The following F2RL2 variants were observed in gnomAD, a reference collection of about 807,000 sequenced individuals.
The protein encoded by F2RL2 is proteinase-activated receptor 3.
Under a neutral mutation model 4.3 loss-of-function variants are expected in F2RL2, and 4 were observed. The observed-to-expected ratio is 0.93, with a 90% CI of 0.46 to 2.12. The LOEUF (loss-of-function observed/expected upper bound fraction) is 2.12. F2RL2 is among the 30% of genes most tolerant of loss of function. The pLI, the probability that F2RL2 is intolerant of heterozygous loss-of-function variation, is 0.02. For synonymous variants in F2RL2, 166 were observed against 170.9 expected, an observed-to-expected ratio of 0.97 and a Z score of 0.22; for missense variants, 408 against 449.3, an observed-to-expected ratio of 0.91 and a Z score of 0.83.
intron 1 of F2RL2, among the ~76,000 whole-genome samples, chr5:76,619,023 A>G (rs1450470446): frequency 1.3e-5 from 2 of 152,232 alleles, no homozygotes; most frequent in African/African-American, 4.8e-5. Context: ...AGCAAAGACT[A>G]GCAAGGTTCC....
In F2RL2 at chr5:76,617,815, A is replaced by G. The variant is rs1749140312; in HGVS notation, c.892T>C (p.Trp298Arg). 2 of 1,614,008 alleles carry G rather than the reference A, an allele frequency of 1.2e-6. No homozygotes were observed. Among genetic ancestry groups the G allele is most frequent in the South Asian group, 1.1e-5 (1 of 91,074 alleles). ...ATGAGGAGACTCGCCTTAACATACC[A>G]CAACCATCTATGATCGTATGCATTA... ...TLNAYDHRWL[W>R]YVKASLLILV... The change falls in exon 2 of 2, where the codon TGG becomes CGG. Residue 298 changes from tryptophan (W) to arginine (R), a missense_variant. Trp to Arg is a moderately radical substitution (Grantham distance 101, BLOSUM62 -3). Transcript: ENST00000296641.
At position 76,617,896 on chromosome 5, in the gene F2RL2, A is replaced by G. The variant is rs1383155360; in HGVS notation, c.811T>C (p.Phe271Leu). 1.2e-6 allele frequency: 2 copies of G among 1,614,126 alleles called. No homozygotes were observed. The highest frequency in any genetic ancestry group is 3.3e-5 in the Admixed American group (2 of 60,014). Residue 271 changes from phenylalanine (F) to leucine (L), a missense_variant, in exon 2 of 2, where the codon TTC becomes CTC. Phe to Leu is a conservative substitution (Grantham distance 22). Coordinates refer to ENST00000296641, the MANE Select transcript of F2RL2 (RefSeq NM_004101.4). ...ATGATAAGCACAAATGGAATTAAGA[A>G]TCCAAAGAATGCCAAGGAGATGAAG... ...YYFISLAFFG[F>L]LIPFVLIIYC...
At chr5:76,618,840 A>G (rs1749295869) in intron 1 of F2RL2, among the ~76,000 whole-genome samples, 198 bp from the exon 2 acceptor site, 1 of 152,254 alleles carries the variant, frequency 6.6e-6, no homozygotes, top group African/African-American at 2.4e-5. Flanking sequence ...TTGTGCGGAA[A>G]CAAAAACTAA....
intron 1 of F2RL2, among the ~76,000 whole-genome samples, chr5:76,619,601 C>A (rs1749407211): frequency 6.6e-6 from 1 of 151,312 alleles, no homozygotes; most frequent in Admixed American, 6.6e-5. Context: ...ACTGCAACCT[C>A]CGCCTCCCGG....
chr5:76,615,910 A>T lies in F2RL2; in HGVS notation c.*1672T>A, dbSNP rs193230021. ...TGTATGCCCAACCTGAAATGATGTC[A>T]TCCCGTATCATCACAGTATGTTGCT... On this transcript the variant is annotated 3_prime_UTR_variant, in exon 2 of 2. Coordinates refer to ENST00000296641, the MANE Select transcript of F2RL2 (RefSeq NM_004101.4). The T allele has an allele frequency of 0.018, 2,777 of 152,740 alleles. 32 individuals carry two copies. Among genetic ancestry groups the T allele is most frequent in the South Asian group, 0.076 (365 of 4,830 alleles). 9.5% of individuals were successfully genotyped at this position (152,740 alleles called of 1,614,324 possible).
chr5:76,617,280 A>C lies in F2RL2; in HGVS notation c.*302T>G, dbSNP rs1201559831. 1 of 242,424 alleles carries C rather than the reference A, an allele frequency of 4.1e-6. No homozygotes were observed. The highest frequency in any genetic ancestry group is 8.1e-6 in the Non-Finnish European group (1 of 123,546). 15.0% of individuals were successfully genotyped at this position (242,424 alleles called of 1,614,324 possible). A position where few individuals can be genotyped will look rare whatever the true frequency, so the allele number is the denominator to read the frequency against. On this transcript the variant is annotated 3_prime_UTR_variant, in exon 2 of 2. Transcript: ENST00000296641. ...GTCAACATGGTGAAACCCCGTCTCTACTAAAAATACAAGTATTTTTAGTAG... is the reference window on the plus strand; with the variant it reads ...GTCAACATGGTGAAACCCCGTCTCTCCTAAAAATACAAGTATTTTTAGTAG...
At chr5:76,623,080 G>T in intron 1 of F2RL2, 87 bp downstream of exon 1, 1 of 1,216,768 alleles carries the variant, frequency 8.2e-7, no homozygotes, top group Non-Finnish European at 1.2e-6. Flanking sequence ...CAGTTTGTGT[G>T]AGATGCAAAG....
In F2RL2 at chr5:76,617,820, C is replaced by T. The variant is rs760244370; in HGVS notation, c.887G>A (p.Trp296Ter). The T allele has an allele frequency of 1.9e-6, 3 of 1,613,894 alleles. No homozygotes were observed. Among genetic ancestry groups the T allele is most frequent in the Admixed American group, 3.3e-5 (2 of 60,004 alleles). Residue 296 changes from tryptophan to a stop codon, truncating the protein, a stop_gained, in exon 2 of 2, where the codon TGG becomes TAG. Coordinates refer to ENST00000296641, the MANE Select transcript of F2RL2 (RefSeq NM_004101.4). LOFTEE classifies it high-confidence loss of function. ...GAGACTCGCCTTAACATACCACAAC[C>T]ATCTATGATCGTATGCATTAAGTGT... is the stretch of plus-strand genomic sequence containing the variant. ...IRTLNAYDHR[W>*]LWYVKASLLI...
chr5:76,620,206 G>C (rs755192877), intron 1 of F2RL2, among the ~76,000 whole-genome samples: 1 of 152,208 alleles, frequency 6.6e-6, no homozygotes, highest in South Asian at 2.1e-4. Context: ...AGGTAATAGT[G>C]TAGAGAACAG....
rs769307910 is a variant in F2RL2, at chr5:76,617,536, CAG to C, written c.*44_*45del. On this transcript the variant is annotated 3_prime_UTR_variant, in exon 2 of 2. Coordinates refer to ENST00000296641, the MANE Select transcript of F2RL2 (RefSeq NM_004101.4). ...ACTATGCTTATGTTGTTCTTGAAAACAGACGTTCTCTGTGATGGCTGTCCTTG... is the reference window on the plus strand; with the variant it reads ...ACTATGCTTATGTTGTTCTTGAAAACACGTTCTCTGTGATGGCTGTCCTTG... 5.4e-6 allele frequency: 8 copies of C among 1,469,768 alleles called. No individual in the cohort carries two copies. Among genetic ancestry groups the C allele is most frequent in the African/African-American group, 2.8e-5 (2 of 70,940 alleles). 91.0% of individuals were successfully genotyped at this position (1,469,768 alleles called of 1,614,324 possible).
In F2RL2 at chr5:76,615,743, TTACAGGAATATAATGGGTATTAATAACAA is replaced by T. The variant is rs139687205; in HGVS notation, c.*1810_*1838del. ...AGTTAAGGGAAAAATAGTCATTTAC[TTACAGGAATATAATGGGTATTAATAACAA>T]AATTCCATTTCCCCATTAAAAGCTA... On this transcript the variant is annotated 3_prime_UTR_variant, in exon 2 of 2. Coordinates refer to ENST00000296641, the MANE Select transcript of F2RL2 (RefSeq NM_004101.4). The T allele has an allele frequency of 0.26, 39,825 of 152,278 alleles. 5,469 individuals carry two copies. Among genetic ancestry groups the T allele is most frequent in the South Asian group, 0.41 (1,992 of 4,814 alleles). The allele number at this position is 152,278 out of a possible 1,614,324, so 9.4% of individuals were successfully genotyped here.
chr5:76,617,320 G>C lies in F2RL2; in HGVS notation c.*262C>G, dbSNP rs1749076543. ...ATTTTTAGTAGCTGGGCATGGTGGT[G>C]TAATCCCAGCTACTTGGGAGGCTGA... On this transcript the variant is annotated 3_prime_UTR_variant, in exon 2 of 2. Coordinates refer to ENST00000296641, the MANE Select transcript of F2RL2 (RefSeq NM_004101.4). The C allele has an allele frequency of 2.9e-6, 1 of 349,706 alleles. No individual in the cohort carries two copies. Among genetic ancestry groups the C allele is most frequent in the Admixed American group, 4.3e-5 (1 of 23,436 alleles). 21.7% of individuals were successfully genotyped at this position (349,706 alleles called of 1,614,324 possible). A position where few individuals can be genotyped will look rare whatever the true frequency, so the allele number is the denominator to read the frequency against.
intron 1 of F2RL2, among the ~76,000 whole-genome samples, chr5:76,620,868 T>A (rs1749590296): frequency 6.6e-6 from 1 of 152,222 alleles, no homozygotes; most frequent in Non-Finnish European, 1.5e-5. Context: ...CAATATTTGG[T>A]GTTACTTGGC....
Position 76,616,576 on chromosome 5 carries a change from A to G in F2RL2, c.*1006T>C, listed in dbSNP as rs2069689. On this transcript the variant is annotated 3_prime_UTR_variant, in exon 2 of 2. Coordinates refer to ENST00000296641, the MANE Select transcript of F2RL2 (RefSeq NM_004101.4). ...TGGTTAGAAGGTAGAGGTGGCCTGG[A>G]CGTAGTGGCTCATGCCTGTAGTCCC... is the stretch of plus-strand genomic sequence containing the variant. 65,988 of 152,748 alleles carry G rather than the reference A, an allele frequency of 0.43. 15,111 individuals carry two copies. Among genetic ancestry groups the G allele is most frequent in the Non-Finnish European group, 0.53 (35,846 of 68,258 alleles). 9.5% of individuals were successfully genotyped at this position (152,748 alleles called of 1,614,324 possible).
chr5:76,618,580 C>A lies in F2RL2; in HGVS notation c.127G>T (p.Ala43Ser). ...AACTCTTCAAAAGAATTTGGGGGAG[C>A]TCCACGAAAGGTCTTAATGGGTAAG... is the stretch of plus-strand genomic sequence containing the variant. ...PTLPIKTFRG[A>S]PPNSFEEFPF... Residue 43 changes from alanine to serine, a missense_variant, in exon 2 of 2, where the codon GCT becomes TCT. Physicochemically the swap from Ala to Ser is moderately conservative, Grantham distance 99. Transcript: ENST00000296641. 1 of 1,614,036 alleles carries A rather than the reference C, an allele frequency of 6.2e-7. No homozygotes were observed. Among genetic ancestry groups the A allele is most frequent in the Non-Finnish European group, 8.5e-7 (1 of 1,180,028 alleles).
Position 76,623,198 on chromosome 5 carries a change from G to A in F2RL2, c.33C>T (p.Leu11=). 2 of 1,614,160 alleles carry A rather than the reference G, an allele frequency of 1.2e-6. No individual in the cohort carries two copies. The highest frequency in any genetic ancestry group is 1.1e-5 in the South Asian group (1 of 91,068). Residue 11 remains leucine, a synonymous_variant, in exon 1 of 2, where the codon CTC becomes CTT. Coordinates refer to ENST00000296641, the MANE Select transcript of F2RL2 (RefSeq NM_004101.4). MKALIFAAAG[L]LLLLPTFCQS... ...GACAAAAAGTGGGCAACAGAAGCAGGAGGCCAGCAGCTGCAAAGATGAGGG... is the reference window on the plus strand; with the variant it reads ...GACAAAAAGTGGGCAACAGAAGCAGAAGGCCAGCAGCTGCAAAGATGAGGG...
At position 76,619,597 on chromosome 5, in the gene F2RL2, A is replaced by G. The variant is rs2069675; in HGVS notation, c.65-955T>C. The stretch of plus-strand genomic sequence containing the variant: ...AGTGGCACGATCTCAGCTCACTGCA[A>G]CCTCCGCCTCCCGGGTTCACGCCAT... On this transcript the variant is annotated intron_variant, in intron 1 of 1. Transcript: ENST00000296641. Among the ~76,000 whole-genome samples the G allele has an allele frequency of 1.7e-3, 246 of 147,156 alleles. 2 individuals carry two copies. The highest frequency in any genetic ancestry group is 6.1e-3 in the African/African-American group (241 of 39,366).
At chr5:76,618,800 A>T (rs1749290468) in intron 1 of F2RL2, among the ~76,000 whole-genome samples, 158 bp from the exon 2 acceptor site, 1 of 152,250 alleles carries the variant, frequency 6.6e-6, no homozygotes. Flanking sequence ...TATATTTAAT[A>T]CATATCATAT....
intron 1 of F2RL2, among the ~76,000 whole-genome samples, chr5:76,622,365 G>T (rs780579218): frequency 6.6e-6 from 1 of 152,156 alleles, no homozygotes; most frequent in Non-Finnish European, 1.5e-5. Flanking sequence ...CTCTGCAACC[G>T]CTCAGGGATT....
Sources: gnomAD v4.1 joint callset for allele counts (sites outside exome capture counted in the v4.1 genomes callset) on GRCh38, gnomAD v4.1.1 for gene constraint, MANE v1.5 for transcripts, NCBI Gene and HGNC (gene_info 2026-07-23, HGNC 2026-07-21) for gene names.